Variants in CNTNAP2 observed in about 807,000 individuals in gnomAD.
CNTNAP2 encodes the protein contactin associated protein 2.
In CNTNAP2, 98 loss-of-function variants were observed where a neutral mutation model predicts 155.2. The observed-to-expected ratio is 0.63, with a 90% CI of 0.54 to 0.75. CNTNAP2 has a LOEUF of 0.75. Among genes scored for constraint, CNTNAP2 ranks in the 30% least tolerant of loss-of-function variants. The probability of loss-of-function intolerance (pLI) is 0.00; values close to 1 mark genes in which losing one functional copy is unlikely to be tolerated. For missense variants in CNTNAP2, 1,727 were observed against 1,688.1 expected, an observed-to-expected ratio of 1.02 and a Z score of -0.40; for synonymous variants, 651 against 631.2, an observed-to-expected ratio of 1.03 and a Z score of -0.47.
chr7:147,232,931 A>G (rs1340220464), intron 8 of CNTNAP2, among the ~76,000 whole-genome samples: 2 of 152,238 alleles, frequency 1.3e-5, no homozygotes, highest in Non-Finnish European at 2.9e-5. Flanking sequence ...CAATCATAAC[A>G]TTAAAATTTC....
chr7:146,919,108 C>A (rs1796449787), intron 3 of CNTNAP2, among the ~76,000 whole-genome samples: 1 of 151,972 alleles, frequency 6.6e-6, no homozygotes, highest in African/African-American at 2.4e-5. Context: ...TTTTTGACTT[C>A]TTTATGTTGG....
intron 1 of CNTNAP2, among the ~76,000 whole-genome samples, chr7:146,196,732 A>G (rs942403180): frequency 6.6e-6 from 1 of 152,156 alleles, no homozygotes. Context: ...ATATATTTTT[A>G]TGTACTGTCA....
intron 1 of CNTNAP2, among the ~76,000 whole-genome samples, chr7:146,312,937 A>G (rs975336730): frequency 2.6e-5 from 4 of 151,970 alleles, no homozygotes; most frequent in African/African-American, 9.7e-5. Context: ...TATATACTGC[A>G]TTTTCTGTAT....
chr7:146,595,246 T>A (rs1798842927), intron 1 of CNTNAP2, among the ~76,000 whole-genome samples: 1 of 152,120 alleles, frequency 6.6e-6, no homozygotes, highest in African/African-American at 2.4e-5. Context: ...CTCTATATAT[T>A]ATTTCATCAC....
chr7:147,729,428 G>GCGCACA (rs1554427391), intron 13 of CNTNAP2, among the ~76,000 whole-genome samples: 1 of 149,212 alleles, frequency 6.7e-6, no homozygotes, highest in African/African-American at 2.4e-5. Flanking sequence ...ACACACACAC[G>GCGCACA]CACACACACA....
At chr7:146,961,416 C>T (rs577106790) in intron 3 of CNTNAP2, among the ~76,000 whole-genome samples, 1 of 152,284 alleles carries the variant, frequency 6.6e-6, no homozygotes, top group East Asian at 1.9e-4. Context: ...TTGCTGTGAC[C>T]TGTATTTGAG....
At chr7:146,259,283 C>T (rs773800655) in intron 1 of CNTNAP2, among the ~76,000 whole-genome samples, 5 of 151,952 alleles carry the variant, frequency 3.3e-5, no homozygotes, top group East Asian at 1.9e-4. Context: ...GAATTGGTAC[C>T]GAGAGTGGGG....
intron 11 of CNTNAP2, among the ~76,000 whole-genome samples, chr7:147,528,880 T>A (rs116338587): frequency 2.6e-5 from 4 of 152,274 alleles, no homozygotes; most frequent in African/African-American, 7.2e-5. Flanking sequence ...TGTGATTTTT[T>A]AAAATGACAC....
chr7:146,176,959 T>C (rs1045697058), intron 1 of CNTNAP2, among the ~76,000 whole-genome samples: 1 of 152,116 alleles, frequency 6.6e-6, no homozygotes, highest in Non-Finnish European at 1.5e-5. Flanking sequence ...CAGGAGGCAG[T>C]AGGGACAGAA....
At chr7:148,239,450 T>C (rs1042378008) in intron 20 of CNTNAP2, among the ~76,000 whole-genome samples, 2 of 152,180 alleles carry the variant, frequency 1.3e-5, no homozygotes, top group African/African-American at 4.8e-5. Flanking sequence ...GCCCATTAAT[T>C]TGGTCTGTAT....
At chr7:146,373,405 T>TACACAC (rs3050924) in intron 1 of CNTNAP2, among the ~76,000 whole-genome samples, 3,566 of 143,620 alleles carry the variant, frequency 0.025, 143 homozygotes, top group African/African-American at 0.084. Context: ...ACTTAACACA[T>TACACAC]ACACACACAC....
At position 146,807,119 on chromosome 7, in the gene CNTNAP2, G is replaced by A. The variant is rs569174481; in HGVS notation, c.209-32592G>A. On this transcript the variant is annotated intron_variant, in intron 2 of 23. Transcript: ENST00000361727. The stretch of plus-strand genomic sequence containing the variant: ...TATAGCTATTAAAATTATACAAATG[G>A]TACACATTTATTATAAAACATTCAA... 1.2e-3 allele frequency among the ~76,000 whole-genome samples: 178 copies of A among 152,114 alleles called. 1 individual carries two copies. The highest frequency in any genetic ancestry group is 4.0e-3 in the African/African-American group (168 of 41,508).
At position 146,770,146 on chromosome 7, in the gene CNTNAP2, T is replaced by G. The variant is rs116028268; in HGVS notation, c.98-4125T>G. Among the ~76,000 whole-genome samples, 988 of 152,278 alleles carry G rather than the reference T, an allele frequency of 6.5e-3. 8 individuals carry two copies. The highest frequency in any genetic ancestry group is 0.02 in the African/African-American group (816 of 41,562). Reference sequence around the variant, plus strand: ...ATTTTATTCTATTTAGCATTGAATTTTAAACCATTTTTATTACTCTTTTGT... The same window carrying G: ...ATTTTATTCTATTTAGCATTGAATTGTAAACCATTTTTATTACTCTTTTGT... On this transcript the variant is annotated intron_variant, in intron 1 of 23. Coordinates refer to ENST00000361727, the MANE Select transcript of CNTNAP2 (RefSeq NM_014141.6).
chr7:147,486,180 T>A, intron 11 of CNTNAP2, 139 bp downstream of exon 11: 1 of 577,988 alleles, frequency 1.7e-6, no homozygotes, highest in South Asian at 2.1e-5. Flanking sequence ...CCAATTGTCA[T>A]TTCTCCAAAA....
intron 8 of CNTNAP2, among the ~76,000 whole-genome samples, chr7:147,221,047 T>C (rs1803387781): frequency 6.6e-6 from 1 of 151,980 alleles, no homozygotes; most frequent in Non-Finnish European, 1.5e-5. Flanking sequence ...TAAATTGTTG[T>C]CCTGGAGTTG....
intron 12 of CNTNAP2, among the ~76,000 whole-genome samples, chr7:147,629,408 AT>A (rs869178514): frequency 2.2e-4 from 3 of 13,712 alleles, no homozygotes; most frequent in Non-Finnish European, 5.5e-4. Flanking sequence ...TGTCTCAAAA[AT>A]AATAATAATA....
At chr7:148,295,980 A>G (rs1340560525) in intron 21 of CNTNAP2, among the ~76,000 whole-genome samples, 1 of 152,218 alleles carries the variant, frequency 6.6e-6, no homozygotes, top group Non-Finnish European at 1.5e-5. Flanking sequence ...ATATACATGC[A>G]AAAGATAACT....
chr7:148,054,523 G>C (rs1802971566), intron 15 of CNTNAP2, among the ~76,000 whole-genome samples: 1 of 142,514 alleles, frequency 7.0e-6, no homozygotes, highest in South Asian at 2.2e-4. Context: ...AAGGCAACTA[G>C]AGTGCTAGGC....
rs1802307224 is a variant in CNTNAP2, at chr7:147,174,924, C to T, written c.1348+42415C>T. Among the ~76,000 whole-genome samples the T allele has an allele frequency of 1.3e-5, 2 of 152,058 alleles. 1 individual carries two copies. The highest frequency in any genetic ancestry group is 4.1e-4 in the South Asian group (2 of 4,832). ...CTATAAGAGACAATAATAATGGAAA[C>T]TGTCATAGTTCCCTGAAATTCAAGT... On this transcript the variant is annotated intron_variant, in intron 8 of 23. Transcript: ENST00000361727.
Sources: gnomAD v4.1 joint callset for allele counts (sites outside exome capture counted in the v4.1 genomes callset) on GRCh38, gnomAD v4.1.1 for gene constraint, MANE v1.5 for transcripts, NCBI Gene and HGNC (gene_info 2026-07-23, HGNC 2026-07-21) for gene names.